Variants in AP1S3 observed in about 807,000 individuals in gnomAD.
AP1S3 encodes AP-1 complex subunit sigma-3.
AP1S3 carries 10 observed loss-of-function variants against 20.9 expected under a neutral mutation model. That is an observed-to-expected ratio of 0.48 (90% CI 0.29 to 0.81). AP1S3 has a LOEUF of 0.81. Ranked by LOEUF, AP1S3 falls within the 30% of genes least tolerant of loss-of-function variation. AP1S3 has a pLI of 0.08. For missense variants in AP1S3, 154 were observed against 183.8 expected (o/e 0.84, Z 0.94); for synonymous variants, 41 against 61.5 (o/e 0.67, Z 1.56).
chr2:223,758,785 T>G, intron 4 of AP1S3, 35 bp from the exon 5 acceptor site: 1 of 1,582,210 alleles, frequency 6.3e-7, no homozygotes, highest in Non-Finnish European at 8.6e-7. Context: ...CAATTTTCCC[T>G]TTAAGTCACA....
intron 3 of AP1S3, among the ~76,000 whole-genome samples, chr2:223,769,686 T>C (rs2106082768): frequency 6.7e-6 from 1 of 149,958 alleles, no homozygotes; most frequent in Middle Eastern, 3.5e-3. Flanking sequence ...GATAGACTTG[T>C]AAGGAGGAAA....
Position 223,806,377 on chromosome 2 carries a change from G to A in AP1S3, c.4-28508C>T, listed in dbSNP as rs535436910. ...CAGCTCACTGCAAGCTCCGCCTCCC[G>A]GGTTCACACCATTCTCCTGCCTCAA... On this transcript the variant is annotated intron_variant, in intron 1 of 4. Transcript: ENST00000396654. 7.6e-5 allele frequency among the ~76,000 whole-genome samples: 11 copies of A among 144,468 alleles called. No homozygotes were observed. In the East Asian group the frequency reaches 1.3e-3, roughly 17 times the overall value. The allele number at this position is 144,468 out of a possible 152,430, so 94.8% of individuals were successfully genotyped here. A position where few individuals can be genotyped will look rare whatever the true frequency, so the allele number is the denominator to read the frequency against.
intron 1 of AP1S3, among the ~76,000 whole-genome samples, chr2:223,778,830 G>C (rs114030819): frequency 0.012 from 1,888 of 151,954 alleles, 44 homozygotes; most frequent in African/African-American, 0.043. Context: ...CCAAGTAGCT[G>C]AGATTACACA....
chr2:223,803,676 T>G (rs900563848), intron 1 of AP1S3, among the ~76,000 whole-genome samples: 1 of 152,040 alleles, frequency 6.6e-6, no homozygotes, highest in East Asian at 1.9e-4. Context: ...TCAGGAGATC[T>G]AGACCATCCT....
In AP1S3 at chr2:223,770,202, G is replaced by T. The variant is rs1032652415; in HGVS notation, c.292-4852C>A. On this transcript the variant is annotated intron_variant, in intron 3 of 4. Coordinates refer to ENST00000396654, the MANE Select transcript of AP1S3 (RefSeq NM_001039569.2). ...TATGAGAAGAAAGCAGTTACCAGAG[G>T]TCAGAAAAGGCAGAAGTCAGGAGTT... The T allele has an allele frequency of 5.8e-6, 9 of 1,550,706 alleles. No homozygotes were observed. In the Admixed American group the frequency reaches 1.4e-4, roughly 24 times the overall value.
intron 1 of AP1S3, among the ~76,000 whole-genome samples, chr2:223,809,443 G>A (rs1356955065): frequency 1.3e-5 from 2 of 151,940 alleles, no homozygotes; most frequent in Admixed American, 6.6e-5. Flanking sequence ...TCAGGAGTTC[G>A]CGACCAGCCT....
intron 1 of AP1S3, among the ~76,000 whole-genome samples, chr2:223,832,419 T>TA (rs1692293210): frequency 6.6e-6 from 1 of 151,952 alleles, no homozygotes; most frequent in South Asian, 2.1e-4. Flanking sequence ...GAGGAGTAAA[T>TA]ACAAGTCTCA....
chr2:223,801,843 T>C (rs962810346), intron 1 of AP1S3, among the ~76,000 whole-genome samples: 1 of 152,130 alleles, frequency 6.6e-6, no homozygotes, highest in Non-Finnish European at 1.5e-5. Context: ...GGCCTAGGCT[T>C]ACAGAGACTA....
At chr2:223,770,380 C>T in intron 3 of AP1S3, 1 of 1,545,480 alleles carries the variant, frequency 6.5e-7, no homozygotes. Flanking sequence ...CTTCTTATAC[C>T]CCACTTTGAC....
intron 1 of AP1S3, among the ~76,000 whole-genome samples, chr2:223,816,753 T>C (rs1691852302): frequency 6.6e-6 from 1 of 152,336 alleles, no homozygotes. Flanking sequence ...CTATGTTAAA[T>C]AGATCCATAA....
At chr2:223,771,098 G>C (rs569751890) in intron 3 of AP1S3, among the ~76,000 whole-genome samples, 1 of 152,026 alleles carries the variant, frequency 6.6e-6, no homozygotes, top group Non-Finnish European at 1.5e-5. Context: ...ACTTTGGGGG[G>C]GCTGAGGCGG....
intron 3 of AP1S3, chr2:223,770,382 C>T (rs903096150): frequency 2.6e-6 from 4 of 1,544,384 alleles, no homozygotes; most frequent in African/African-American, 1.4e-5. Flanking sequence ...TCTTATACCC[C>T]ACTTTGACAC....
intron 3 of AP1S3, 71 bp from the exon 4 acceptor site, chr2:223,765,421 A>C: frequency 6.6e-7 from 1 of 1,509,388 alleles, no homozygotes; most frequent in Admixed American, 2.3e-5. Flanking sequence ...CCGAATCTCG[A>C]GCTTTTTCAG....
intron 1 of AP1S3, among the ~76,000 whole-genome samples, chr2:223,786,869 C>G (rs1691090168): frequency 6.6e-6 from 1 of 151,986 alleles, no homozygotes; most frequent in South Asian, 2.1e-4. Context: ...CATGCCACTG[C>G]CCTCCAGCCT....
intron 3 of AP1S3, among the ~76,000 whole-genome samples, chr2:223,766,277 TG>T (rs1371520883): frequency 4.6e-5 from 7 of 152,186 alleles, no homozygotes; most frequent in African/African-American, 1.7e-4. Flanking sequence ...TTGATGGGGT[TG>T]TTTTTTTTCT....
rs949379401 is a variant in AP1S3 at position 223,770,267 on chromosome 2, G to A, written c.292-4917C>T. 5.0e-5 allele frequency: 77 copies of A among 1,550,452 alleles called. No individual in the cohort carries two copies. In the African/African-American group the frequency reaches 7.0e-4, roughly 14 times the overall value. The stretch of plus-strand genomic sequence containing the variant: ...AGGAACCTCGGAGTTCAAGGCAGGC[G>A]TAGACCAGGAATCCAAGACAGACAG... On this transcript the variant is annotated intron_variant, in intron 3 of 4. Coordinates refer to ENST00000396654, the MANE Select transcript of AP1S3 (RefSeq NM_001039569.2).
At chr2:223,784,379 C>T (rs1274678174) in intron 1 of AP1S3, among the ~76,000 whole-genome samples, 2 of 152,142 alleles carry the variant, frequency 1.3e-5, no homozygotes, top group Non-Finnish European at 2.9e-5. Context: ...TCCCAACCTG[C>T]ATACCTGTGT....
chr2:223,831,802 C>A (rs1225213451), intron 1 of AP1S3, among the ~76,000 whole-genome samples: 1 of 152,152 alleles, frequency 6.6e-6, no homozygotes, highest in African/African-American at 2.4e-5. Flanking sequence ...GTTGGCCGGG[C>A]ACGGTGGCTC....
intron 1 of AP1S3, 41 bp from the exon 2 acceptor site, chr2:223,777,910 G>A: frequency 6.4e-7 from 1 of 1,556,706 alleles, no homozygotes; most frequent in Admixed American, 1.8e-5. Flanking sequence ...GATCAACCAA[G>A]TCACTCTGCC....
Sources: gnomAD v4.1 joint callset for allele counts (sites outside exome capture counted in the v4.1 genomes callset) on GRCh38, gnomAD v4.1.1 for gene constraint, MANE v1.5 for transcripts, NCBI Gene and HGNC (gene_info 2026-07-23, HGNC 2026-07-21) for gene names.